Variants in GALK2 observed in about 807,000 individuals in gnomAD.
GALK2 encodes galactokinase 2.
In GALK2, 36 loss-of-function variants were observed where a neutral mutation model predicts 52.4. The observed-to-expected ratio is 0.69, with a 90% CI of 0.53 to 0.91. The LOEUF is 0.91. GALK2 is among the 40% of genes least tolerant of loss of function. The pLI is 0.00. For synonymous variants in GALK2, 176 were observed against 199.1 expected (o/e 0.88, Z 0.98); for missense variants, 579 against 559.1 (o/e 1.04, Z -0.36).
At chr15:49,289,617 A>G (rs1042409226) in intron 7 of GALK2, among the ~76,000 whole-genome samples, 2 of 152,188 alleles carry the variant, frequency 1.3e-5, no homozygotes, top group East Asian at 3.9e-4. Flanking sequence ...TTTCTTGCCC[A>G]TGGTGGGACA....
intron 1 of GALK2, among the ~76,000 whole-genome samples, chr15:49,171,341 C>T (rs2085081808): frequency 6.6e-6 from 1 of 152,126 alleles, no homozygotes; most frequent in East Asian, 1.9e-4. Flanking sequence ...CCTGGCCTCC[C>T]AAAGTGCTGG....
intron 5 of GALK2, among the ~76,000 whole-genome samples, chr15:49,243,560 T>A (rs1000221810): frequency 1.4e-4 from 22 of 152,100 alleles, no homozygotes; most frequent in African/African-American, 5.3e-4. Context: ...TGACTCACTC[T>A]TAAATATGAT....
At position 49,329,715 on chromosome 15, in the gene GALK2, A is replaced by T. The variant is rs887417156; in HGVS notation, c.*1556A>T. The T allele has an allele frequency of 3.1e-6, 3 of 972,890 alleles. No homozygotes were observed. The highest frequency in any genetic ancestry group is 3.7e-6 in the Non-Finnish European group (3 of 818,710). The allele number at this position is 972,890 out of a possible 1,614,324, so 60.3% of individuals were successfully genotyped here. On this transcript the variant is annotated 3_prime_UTR_variant, in exon 10 of 10. Transcript: ENST00000560031. ...AAAATCTGAAACCTGAATTTATTTA[A>T]ATTTATAATCCTTTATTTTTTAATA...
At chr15:49,291,577 A>G (rs144833097) in intron 7 of GALK2, among the ~76,000 whole-genome samples, 1 of 152,270 alleles carries the variant, frequency 6.6e-6, no homozygotes, top group African/African-American at 2.4e-5. Context: ...CACTGTTTTG[A>G]TTGCCACCTA....
chr15:49,228,664 T>TATATATATATATAC (rs1333026321), intron 3 of GALK2, among the ~76,000 whole-genome samples: 1 of 10,524 alleles, frequency 9.5e-5, no homozygotes, highest in African/African-American at 5.1e-4. Flanking sequence ...TTCACTGATA[T>TATATATATATATAC]ATATATATAT....
At chr15:49,228,685 A>ATTTTTTTTTT (rs1566957985) in intron 3 of GALK2, among the ~76,000 whole-genome samples, 1 of 18,128 alleles carries the variant, frequency 5.5e-5, no homozygotes, top group Non-Finnish European at 9.9e-5. Flanking sequence ...ATATATATAT[A>ATTTTTTTTTT]TATTTTTTTT....
At chr15:49,238,667 G>C (rs1268202902) in intron 4 of GALK2, among the ~76,000 whole-genome samples, 1 of 152,054 alleles carries the variant, frequency 6.6e-6, no homozygotes, top group African/African-American at 2.4e-5. Context: ...TTGGTGCCTA[G>C]GTTTTTTCAT....
At chr15:49,195,233 G>T in intron 1 of GALK2, 1 of 356,076 alleles carries the variant, frequency 2.8e-6, no homozygotes, top group Non-Finnish European at 5.5e-6. Flanking sequence ...CACCATGCTG[G>T]GCTAATTTTT....
At chr15:49,188,558 T>C (rs992355404) in intron 1 of GALK2, among the ~76,000 whole-genome samples, 1 of 152,238 alleles carries the variant, frequency 6.6e-6, no homozygotes, top group Non-Finnish European at 1.5e-5. Flanking sequence ...GTCTTCAGTA[T>C]CTCTTTCCTT....
intron 8 of GALK2, among the ~76,000 whole-genome samples, chr15:49,304,250 A>G (rs1395060688): frequency 1.3e-5 from 2 of 152,176 alleles, no homozygotes; most frequent in African/African-American, 2.4e-5. Context: ...AGCTTTTCTT[A>G]TGGTGAAATT....
intron 3 of GALK2, among the ~76,000 whole-genome samples, chr15:49,227,699 T>G (rs79813796): frequency 6.6e-6 from 1 of 151,998 alleles, no homozygotes; most frequent in Non-Finnish European, 1.5e-5. Flanking sequence ...GGTTGTTTTA[T>G]ATATCTTTTT....
At chr15:49,286,097 A>G (rs1265163584) in intron 7 of GALK2, among the ~76,000 whole-genome samples, 1 of 152,154 alleles carries the variant, frequency 6.6e-6, no homozygotes, top group Non-Finnish European at 1.5e-5. Context: ...TTACTCCTAG[A>G]CTAAGTTAGA....
Position 49,285,587 on chromosome 15 carries a change from C to G in GALK2, c.756+1869C>G, listed in dbSNP as rs79383354. Among the ~76,000 whole-genome samples, 44 of 152,300 alleles carry G rather than the reference C, an allele frequency of 2.9e-4. No homozygotes were observed. The East Asian group carries it at 8.3e-3, about 29-fold the overall frequency. On this transcript the variant is annotated intron_variant, in intron 7 of 9. Transcript: ENST00000560031. ...GCTTTCTTGGTTGAGCTCCAAACCT[C>G]TATATCCCATGCCTTATTGACCATC...
chr15:49,168,308 A>AT (rs563668311), upstream of GALK2, among the ~76,000 whole-genome samples: 23 of 151,432 alleles, frequency 1.5e-4, no homozygotes, highest in African/African-American at 3.4e-4. Context: ...TTCTACAGTC[A>AT]TTTTTTTTTA....
Position 49,331,500 on chromosome 15 carries a change from T to C in GALK2, c.*3341T>C. 2.8e-6 allele frequency: 1 copy of C among 358,360 alleles called. No homozygotes were observed. Among genetic ancestry groups the C allele is most frequent in the Non-Finnish European group, 5.1e-6 (1 of 197,930 alleles). The allele number at this position is 358,360 out of a possible 1,614,324, so 22.2% of individuals were successfully genotyped here. On this transcript the variant is annotated 3_prime_UTR_variant, in exon 10 of 10. Transcript: ENST00000560031. ...AAAAACTTACAATTTTAAACATCAG[T>C]GATTATTAGTTTGTAATTCTAACTG...
chr15:49,302,250 G>T (rs1054055127), intron 8 of GALK2, among the ~76,000 whole-genome samples: 2 of 152,072 alleles, frequency 1.3e-5, no homozygotes, highest in Non-Finnish European at 2.9e-5. Flanking sequence ...ACTTTGCTTG[G>T]CTCTAATTTT....
chr15:49,336,086 G>A (rs1036489405), downstream of GALK2, among the ~76,000 whole-genome samples: 1 of 152,188 alleles, frequency 6.6e-6, no homozygotes, highest in Admixed American at 6.5e-5. Flanking sequence ...GGGATTACAG[G>A]TGTGAGCCAC....
chr15:49,206,687 T>C (rs974546269), intron 2 of GALK2, among the ~76,000 whole-genome samples: 1 of 152,218 alleles, frequency 6.6e-6, no homozygotes, highest in African/African-American at 2.4e-5. Context: ...ACATTAATCT[T>C]GTATCTGGAA....
intron 1 of GALK2, 146 bp downstream of exon 1, chr15:49,170,521 C>T: frequency 1.4e-6 from 1 of 715,226 alleles, no homozygotes; most frequent in Non-Finnish European, 2.3e-6. Flanking sequence ...GGACACGTGG[C>T]TGGGCTTGCA....
Sources: gnomAD v4.1 joint callset for allele counts (sites outside exome capture counted in the v4.1 genomes callset) on GRCh38, gnomAD v4.1.1 for gene constraint, MANE v1.5 for transcripts, NCBI Gene and HGNC (gene_info 2026-07-23, HGNC 2026-07-21) for gene names.